The following TMOD1 variants were observed in gnomAD, a reference collection of about 807,000 sequenced individuals.
TMOD1 encodes tropomodulin 1.
A neutral mutation model predicts 40.6 loss-of-function variants in TMOD1; 17 were observed. That is an observed-to-expected ratio of 0.42 (90% confidence interval 0.29 to 0.63). The LOEUF (loss-of-function observed/expected upper bound fraction) is 0.63. Among genes scored for constraint, TMOD1 ranks in the 20% least tolerant of loss-of-function variants. The probability of loss-of-function intolerance (pLI) is 0.22; values close to 1 mark genes in which losing one functional copy is unlikely to be tolerated. For synonymous variants in TMOD1, 181 were observed against 175.0 expected (o/e 1.03, Z -0.27); for missense variants, 391 against 447.6 (o/e 0.87, Z 1.14).
intron 2 of TMOD1, among the ~76,000 whole-genome samples, chr9:97,524,510 GTGTGTGTGTGTA>G (rs975500570): frequency 1.9e-4 from 28 of 151,148 alleles, no homozygotes; most frequent in African/African-American, 1.5e-4. Flanking sequence ...GTGTGTGTGT[GTGTGTGTGTGTA>G]TGTGTGTGTG....
At chr9:97,533,935 G>C (rs1830140434) in intron 2 of TMOD1, among the ~76,000 whole-genome samples, 7 of 152,166 alleles carry the variant, frequency 4.6e-5, no homozygotes, top group Admixed American at 4.6e-4. Flanking sequence ...CAGAGTCCTA[G>C]ACTTTGTCCA....
At chr9:97,521,214 G>A (rs933541408) in intron 1 of TMOD1, among the ~76,000 whole-genome samples, 4 of 152,136 alleles carry the variant, frequency 2.6e-5, no homozygotes, top group South Asian at 2.1e-4. Context: ...TCTCAGAGAC[G>A]TGCTTTTATG....
intron 8 of TMOD1, among the ~76,000 whole-genome samples, chr9:97,569,906 T>C (rs185531325): frequency 9.1e-4 from 139 of 152,322 alleles, no homozygotes; most frequent in African/African-American, 3.3e-3. Context: ...CATGTTGCTT[T>C]TGATGTTAAA....
chr9:97,574,852 C>G (rs886639482), intron 8 of TMOD1, among the ~76,000 whole-genome samples: 7 of 152,190 alleles, frequency 4.6e-5, no homozygotes, highest in Non-Finnish European at 8.8e-5. Flanking sequence ...TCTAGCTAAT[C>G]TAGTGGGGAG....
intron 1 of TMOD1, among the ~76,000 whole-genome samples, chr9:97,522,665 G>T (rs927399630): frequency 1.3e-5 from 2 of 152,014 alleles, no homozygotes; most frequent in African/African-American, 4.8e-5. Context: ...GGGCTAAAGC[G>T]ATCCTCCCAC....
At chr9:97,554,191 C>T (rs575592725) in intron 4 of TMOD1, among the ~76,000 whole-genome samples, 63 of 12,604 alleles carry the variant, frequency 5.0e-3, no homozygotes, top group African/African-American at 1.7e-3. Context: ...GGAGGGTGGG[C>T]GGGGTGGGGA....
chr9:97,599,699 T>C lies in TMOD1; in HGVS notation c.*1T>C. Reference sequence around the variant, plus strand: ...TCCCAAGTGCCGGAGTGGTGTCTAGTGTGTGGCGGTGGAGTCCATGCCTTT... The same window carrying C: ...TCCCAAGTGCCGGAGTGGTGTCTAGCGTGTGGCGGTGGAGTCCATGCCTTT... On this transcript the variant is annotated 3_prime_UTR_variant, in exon 10 of 10. Coordinates refer to ENST00000259365, the MANE Select transcript of TMOD1 (RefSeq NM_003275.4). 1.9e-6 allele frequency: 3 copies of C among 1,614,094 alleles called. No individual in the cohort carries two copies. Among genetic ancestry groups the C allele is most frequent in the Non-Finnish European group, 1.7e-6 (2 of 1,180,016 alleles).
intron 1 of TMOD1, among the ~76,000 whole-genome samples, chr9:97,518,592 C>CCAAT (rs1564229803): frequency 6.6e-6 from 1 of 152,256 alleles, no homozygotes; most frequent in Non-Finnish European, 1.5e-5. Context: ...CACTGGCCTT[C>CCAAT]CAATCAATTG....
At position 97,513,667 on chromosome 9, in the gene TMOD1, A is replaced by G. The variant is rs1316690658; in HGVS notation, c.-48-10474A>G. 1 of 152,182 alleles carries G rather than the reference A, an allele frequency of 6.6e-6. No homozygotes were observed. Among genetic ancestry groups the G allele is most frequent in the Non-Finnish European group, 1.5e-5 (1 of 68,040 alleles). 9.4% of individuals were successfully genotyped at this position (152,182 alleles called of 1,614,324 possible). ...CAAAAAGACCCAGCATGCCCTCCCC[A>G]TAGTGGGTACCCAGTAAATACTCAC... On this transcript the variant is annotated intron_variant, in intron 1 of 9. Coordinates refer to ENST00000259365, the MANE Select transcript of TMOD1 (RefSeq NM_003275.4). This position sits in a 1 kb window ranked among gnomAD's most constrained non-coding sequence, Gnocchi z 4.1.
Position 97,563,874 on chromosome 9 carries a change from C to T in TMOD1, c.488-164C>T, listed in dbSNP as rs73656824. Reference sequence around the variant, plus strand: ...GAACCCCAGCCTCCTGGCTCCCTTGCGGGGCTTCTTCTGAGTGGTGCCCCC... The same window carrying T: ...GAACCCCAGCCTCCTGGCTCCCTTGTGGGGCTTCTTCTGAGTGGTGCCCCC... On this transcript the variant is annotated intron_variant, in intron 5 of 9. Transcript: ENST00000259365. Among the ~76,000 whole-genome samples the T allele has an allele frequency of 7.0e-3, 1,071 of 152,290 alleles. 10 individuals carry two copies. Among genetic ancestry groups the T allele is most frequent in the African/African-American group, 0.025 (1,019 of 41,548 alleles).
rs753432423 is a variant in TMOD1 at position 97,565,970 on chromosome 9, G to T, written c.726+15G>T. On this transcript the variant is annotated intron_variant, in intron 7 of 9. Coordinates refer to ENST00000259365, the MANE Select transcript of TMOD1 (RefSeq NM_003275.4). ...CCGTGGCGTATGTATGTACCTTTCT[G>T]TTCTGTTGCATTGTGGCTGGGGGCC... 2 of 1,609,276 alleles carry T rather than the reference G, an allele frequency of 1.2e-6. No individual in the cohort carries two copies. The highest frequency in any genetic ancestry group is 2.2e-5 in the South Asian group (2 of 90,866).
chr9:97,558,989 C>T (rs10982729), intron 4 of TMOD1, among the ~76,000 whole-genome samples: 28,716 of 152,096 alleles, frequency 0.19, 2,867 homozygotes, highest in South Asian at 0.31. Flanking sequence ...GTAACTTCAC[C>T]GCCTCCATCC....
At chr9:97,545,699 T>C (rs1304793290) in intron 2 of TMOD1, among the ~76,000 whole-genome samples, 1 of 152,208 alleles carries the variant, frequency 6.6e-6, no homozygotes, top group Non-Finnish European at 1.5e-5. Context: ...TGCCTCTTCC[T>C]GCCTGATTCT....
chr9:97,566,060 A>C, intron 7 of TMOD1, 105 bp downstream of exon 7: 1 of 957,470 alleles, frequency 1.0e-6, no homozygotes, highest in Non-Finnish European at 1.6e-6. Context: ...AAAGAGCTCT[A>C]TGTGGTACAG....
chr9:97,518,259 G>A (rs1439407101), intron 1 of TMOD1, among the ~76,000 whole-genome samples: 1 of 151,916 alleles, frequency 6.6e-6, no homozygotes, highest in Non-Finnish European at 1.5e-5. Flanking sequence ...ATCCAGACAT[G>A]TGCAGAGGGT....
intron 1 of TMOD1, among the ~76,000 whole-genome samples, chr9:97,510,097 T>C (rs1034846799): frequency 6.6e-6 from 1 of 152,202 alleles, no homozygotes; most frequent in Non-Finnish European, 1.5e-5. Flanking sequence ...TTCATATTGG[T>C]TTTTTGGAAA....
Position 97,502,711 on chromosome 9 carries a change from C to T in TMOD1, c.-49+908C>T, listed in dbSNP as rs1829525208. Among the ~76,000 whole-genome samples, 1 of 152,210 alleles carries T rather than the reference C, an allele frequency of 6.6e-6. No individual in the cohort carries two copies. The highest frequency in any genetic ancestry group is 2.1e-4 in the South Asian group (1 of 4,820). ...CCAGACTCGATCGTATCCTGGGACT[C>T]ACTAAGGCCGTCGGATATCCTAAGC... On this transcript the variant is annotated intron_variant, in intron 1 of 9. Coordinates refer to ENST00000259365, the MANE Select transcript of TMOD1 (RefSeq NM_003275.4). This position sits in a 1 kb window ranked among gnomAD's most constrained non-coding sequence, Gnocchi z 6.1.
At chr9:97,548,758 A>G (rs1338488930) in intron 3 of TMOD1, among the ~76,000 whole-genome samples, 2 of 152,208 alleles carry the variant, frequency 1.3e-5, no homozygotes, top group Non-Finnish European at 2.9e-5. Context: ...CATTCATTCT[A>G]CTTCCATACA....
At chr9:97,562,532 G>C (rs1830656439) in intron 4 of TMOD1, among the ~76,000 whole-genome samples, 200 bp from the exon 5 acceptor site, 1 of 152,240 alleles carries the variant, frequency 6.6e-6, no homozygotes, top group Admixed American at 6.5e-5. Context: ...GCCAGGGGCA[G>C]AGCAGCCTGG....
Sources: gnomAD v4.1 joint callset for allele counts (sites outside exome capture counted in the v4.1 genomes callset) on GRCh38, gnomAD v4.1.1 for gene constraint, Gnocchi (gnomAD v3.1) non-coding constraint, MANE v1.5 for transcripts, NCBI Gene and HGNC (gene_info 2026-07-23, HGNC 2026-07-21) for gene names.